GALNT7: variants seen among roughly 807,000 people sequenced by gnomAD.
GALNT7 encodes the protein polypeptide N-acetylgalactosaminyltransferase 7.
In GALNT7, 60 loss-of-function variants were observed where a neutral mutation model predicts 82.1. That is an observed-to-expected ratio of 0.73 (90% confidence interval 0.59 to 0.91). GALNT7 has a LOEUF of 0.91. Among genes scored for constraint, GALNT7 ranks in the 40% least tolerant of loss-of-function variants. The pLI is 0.00. For missense variants in GALNT7, 660 were observed against 804.2 expected, an observed-to-expected ratio of 0.82 and a Z score of 2.17; for synonymous variants, 243 against 275.1, an observed-to-expected ratio of 0.88 and a Z score of 1.15.
At chr4:173,282,078 A>G (rs543053818) in intron 2 of GALNT7, among the ~76,000 whole-genome samples, 58 of 152,356 alleles carry the variant, frequency 3.8e-4, no homozygotes, top group Non-Finnish European at 5.4e-4. Flanking sequence ...AGCTGACTCC[A>G]GAAGCTTTTA....
intron 1 of GALNT7, among the ~76,000 whole-genome samples, chr4:173,185,152 G>A (rs1732426183): frequency 6.6e-6 from 1 of 152,190 alleles, no homozygotes; most frequent in South Asian, 2.1e-4. Flanking sequence ...TGCTTTGACA[G>A]GTTTGTCATG....
chr4:173,250,641 T>C (rs111304432), intron 2 of GALNT7, among the ~76,000 whole-genome samples: 15 of 152,288 alleles, frequency 9.8e-5, no homozygotes, highest in African/African-American at 3.4e-4. Flanking sequence ...TACTGTCTTT[T>C]TTTTCAGACA....
At chr4:173,178,098 T>C in intron 1 of GALNT7, among the ~76,000 whole-genome samples, 1 of 149,850 alleles carries the variant, frequency 6.7e-6, no homozygotes, top group African/African-American at 2.5e-5. Context: ...TATATTTTAG[T>C]TGTGATCATA....
At chr4:173,198,672 G>A (rs1732853340) in intron 1 of GALNT7, among the ~76,000 whole-genome samples, 1 of 152,172 alleles carries the variant, frequency 6.6e-6, no homozygotes, top group African/African-American at 2.4e-5. Flanking sequence ...TCTTTATTTA[G>A]TATGATAACC....
At chr4:173,312,495 C>T (rs777994044) in intron 8 of GALNT7, among the ~76,000 whole-genome samples, 3 of 152,196 alleles carry the variant, frequency 2.0e-5, no homozygotes, top group African/African-American at 4.8e-5. Flanking sequence ...AACTCACCCC[C>T]TCACCTCCAT....
intron 2 of GALNT7, among the ~76,000 whole-genome samples, chr4:173,283,593 T>C (rs1017744090): frequency 4.1e-5 from 6 of 146,768 alleles, no homozygotes; most frequent in Non-Finnish European, 8.9e-5. Context: ...GCCAAGATCA[T>C]GCCACTGCAC....
At chr4:173,289,045 C>T (rs941353489) in intron 2 of GALNT7, among the ~76,000 whole-genome samples, 1 of 152,098 alleles carries the variant, frequency 6.6e-6, no homozygotes, top group Non-Finnish European at 1.5e-5. Flanking sequence ...TAGGAAAAGA[C>T]TGGAGGTCCT....
At chr4:173,310,039 C>T (rs1183206824) in intron 8 of GALNT7, among the ~76,000 whole-genome samples, 1 of 152,172 alleles carries the variant, frequency 6.6e-6, no homozygotes, top group Non-Finnish European at 1.5e-5. Flanking sequence ...TTAGCATACA[C>T]TTAGTGAGTA....
rs1176807934 is a variant in GALNT7 at position 173,320,486 on chromosome 4, G to A, written c.1837-1094G>A. On this transcript the variant is annotated intron_variant, in intron 11 of 11. Coordinates refer to ENST00000265000, the MANE Select transcript of GALNT7 (RefSeq NM_017423.3). This position sits in a 1 kb window ranked among gnomAD's most constrained non-coding sequence, Gnocchi z 4.1. Reference sequence around the variant, plus strand: ...ATTTTTGCAAATCTCTTTAATGTCTGGTTTAATAGAAGAAGACAGCTGGAT... The same window carrying A: ...ATTTTTGCAAATCTCTTTAATGTCTAGTTTAATAGAAGAAGACAGCTGGAT... 1.3e-5 allele frequency among the ~76,000 whole-genome samples: 2 copies of A among 152,052 alleles called. No individual in the cohort carries two copies. The highest frequency in any genetic ancestry group is 4.8e-5 in the African/African-American group (2 of 41,414).
At position 173,314,055 on chromosome 4, in the gene GALNT7, C is replaced by A; in HGVS notation, c.1487C>A (p.Ser496Ter). The A allele has an allele frequency of 6.2e-7, 1 of 1,610,500 alleles. No homozygotes were observed. Among genetic ancestry groups the A allele is most frequent in the Non-Finnish European group, 8.5e-7 (1 of 1,177,022 alleles). Residue 496 changes from serine to a stop codon, truncating the protein, a stop_gained, in exon 9 of 12, where the codon TCG (serine) becomes TAG (stop). Transcript: ENST00000265000. LOFTEE classifies it high-confidence loss of function. The stretch of plus-strand genomic sequence containing the variant: ...CAGGCATTACCATATGGGGATATAT[C>A]GGAGCTGAAAAAATTTCGAGAAGAT... ...ESQALPYGDI[S>*]ELKKFREDHN...
At chr4:173,281,819 G>A (rs1736119754) in intron 2 of GALNT7, among the ~76,000 whole-genome samples, 1 of 152,058 alleles carries the variant, frequency 6.6e-6, no homozygotes, top group Non-Finnish European at 1.5e-5. Flanking sequence ...TCCCTTTTCT[G>A]TGGAAGAGGA....
At chr4:173,298,025 CTT>C in intron 5 of GALNT7, 88 bp from the exon 6 acceptor site, 3 of 1,416,254 alleles carry the variant, frequency 2.1e-6, no homozygotes, top group South Asian at 1.4e-5. Flanking sequence ...TATCTAAGTT[CTT>C]TTTTTTTTCT....
At chr4:173,224,825 A>G (rs1413782783) in intron 1 of GALNT7, among the ~76,000 whole-genome samples, 1 of 151,674 alleles carries the variant, frequency 6.6e-6, no homozygotes, top group Non-Finnish European at 1.5e-5. Context: ...ATCCTGGCTA[A>G]CACGGTGAAA....
At chr4:173,215,880 C>T (rs898448166) in intron 1 of GALNT7, among the ~76,000 whole-genome samples, 17 of 152,078 alleles carry the variant, frequency 1.1e-4, no homozygotes, top group African/African-American at 4.1e-4. Context: ...GAGGCCAAGG[C>T]GGCAGATTGC....
At chr4:173,310,928 G>T (rs553853688) in intron 8 of GALNT7, among the ~76,000 whole-genome samples, 19 of 152,230 alleles carry the variant, frequency 1.2e-4, no homozygotes, top group Non-Finnish European at 2.5e-4. Flanking sequence ...TAGAGACAGG[G>T]TTTCACCATG....
At chr4:173,259,485 A>G (rs72999537) in intron 2 of GALNT7, among the ~76,000 whole-genome samples, 4,675 of 149,986 alleles carry the variant, frequency 0.031, 215 homozygotes, top group African/African-American at 0.095. Flanking sequence ...CAATCCTGCT[A>G]TTTCTCTAGT....
chr4:173,182,604 C>T (rs13142524), intron 1 of GALNT7, among the ~76,000 whole-genome samples: 35,356 of 151,626 alleles, frequency 0.23, 4,543 homozygotes, highest in African/African-American at 0.35. Flanking sequence ...AGTAAACTTG[C>T]CATGTGGGCA....
At chr4:173,288,952 A>G (rs929861777) in intron 2 of GALNT7, among the ~76,000 whole-genome samples, 1 of 152,046 alleles carries the variant, frequency 6.6e-6, no homozygotes, top group Non-Finnish European at 1.5e-5. Context: ...CTCTGTCTCT[A>G]GGATGCAAAA....
chr4:173,234,520 T>G (rs754789782), intron 1 of GALNT7, among the ~76,000 whole-genome samples: 9 of 152,202 alleles, frequency 5.9e-5, no homozygotes, highest in Non-Finnish European at 1.0e-4. Context: ...TTACAAATCT[T>G]AAAGTCATTC....
Sources: gnomAD v4.1 joint callset for allele counts (sites outside exome capture counted in the v4.1 genomes callset) on GRCh38, gnomAD v4.1.1 for gene constraint, Gnocchi (gnomAD v3.1) non-coding constraint, MANE v1.5 for transcripts, NCBI Gene and HGNC (gene_info 2026-07-23, HGNC 2026-07-21) for gene names.